The following DAB1 variants were observed in gnomAD, a reference collection of about 807,000 sequenced individuals.
DAB1 encodes the protein disabled homolog 1.
Under a neutral mutation model 64.6 loss-of-function variants are expected in DAB1, and 15 were observed. That is an observed-to-expected ratio of 0.23 (90% CI 0.16 to 0.36). The LOEUF (loss-of-function observed/expected upper bound fraction) is 0.36, where lower values mean the gene tolerates loss of function less well. Among genes scored for constraint, DAB1 ranks in the 10% least tolerant of loss-of-function variants. The pLI, the probability that DAB1 is intolerant of heterozygous loss-of-function variation, is 1.00. For synonymous variants in DAB1, 235 were observed against 251.9 expected (o/e 0.93, Z 0.64); for missense variants, 596 against 706.7 (o/e 0.84, Z 1.78).
chr1:57,628,873 T>C (rs907104355), intron 7 of DAB1, among the ~76,000 whole-genome samples: 2 of 152,240 alleles, frequency 1.3e-5, no homozygotes, highest in African/African-American at 4.8e-5. Flanking sequence ...TGCTTTGTAT[T>C]TGGAGATTTT....
intron 6 of DAB1, among the ~76,000 whole-genome samples, chr1:57,713,610 C>T (rs1322784569): frequency 2.0e-5 from 3 of 152,136 alleles, no homozygotes; most frequent in Non-Finnish European, 2.9e-5. Flanking sequence ...TATTCAGATC[C>T]ATCTGGTGGC....
intron 5 of DAB1, among the ~76,000 whole-genome samples, chr1:57,920,076 G>T (rs1644786371): frequency 6.6e-6 from 1 of 152,142 alleles, no homozygotes; most frequent in African/African-American, 2.4e-5. Flanking sequence ...TTAGAGGCAG[G>T]CAGTATTATT....
At chr1:57,264,532 C>A (rs994041282) in intron 2 of DAB1, among the ~76,000 whole-genome samples, 2 of 152,184 alleles carry the variant, frequency 1.3e-5, no homozygotes, top group Admixed American at 1.3e-4. Flanking sequence ...TTCATTTGAT[C>A]TCACGGCAAT....
chr1:58,177,862 A>C (rs542725243), intron 4 of DAB1, among the ~76,000 whole-genome samples: 1 of 152,318 alleles, frequency 6.6e-6, no homozygotes, highest in East Asian at 1.9e-4. Flanking sequence ...AACAGAGAAA[A>C]ACCACATCAG....
chr1:57,006,265 A>G (rs565894716), intron 14 of DAB1, among the ~76,000 whole-genome samples: 12 of 152,300 alleles, frequency 7.9e-5, no homozygotes, highest in African/African-American at 2.9e-4. Context: ...CAGAGGTTGT[A>G]TCCAGCAGCC....
chr1:58,161,716 CTG>C, intron 4 of DAB1, among the ~76,000 whole-genome samples: 1 of 152,010 alleles, frequency 6.6e-6, no homozygotes. Flanking sequence ...GAAAAGAAAA[CTG>C]AGGTTCACTA....
At chr1:58,517,521 T>G (rs1646176027) in intron 2 of DAB1, among the ~76,000 whole-genome samples, 1 of 152,202 alleles carries the variant, frequency 6.6e-6, no homozygotes, top group Admixed American at 6.5e-5. Context: ...CCTATGTAAT[T>G]TGATGTAACT....
Position 57,684,663 on chromosome 1 carries a change from A to C in DAB1, n.552-34998T>G, listed in dbSNP as rs143636185. On this transcript the variant is annotated intron_variant and non_coding_transcript_variant, in intron 6 of 20. Coordinates refer to the DAB1 transcript ENST00000485760. Reference sequence around the variant, plus strand: ...AAAGAATGACACCTTCTACCACAAAAACGCACTTAAACACATAGCCCACAG... The same window carrying C: ...AAAGAATGACACCTTCTACCACAAACACGCACTTAAACACATAGCCCACAG... Among the ~76,000 whole-genome samples the C allele has an allele frequency of 5.3e-4, 80 of 152,320 alleles. No homozygotes were observed. In the East Asian group the frequency reaches 0.014, roughly 26 times the overall value.
At chr1:57,218,506 C>G (rs1291115364) in intron 2 of DAB1, among the ~76,000 whole-genome samples, 1 of 123,918 alleles carries the variant, frequency 8.1e-6, no homozygotes, top group Non-Finnish European at 1.6e-5. Flanking sequence ...ATAGTGAGAC[C>G]CCCATCTCTA....
At position 57,934,820 on chromosome 1, in the gene DAB1, C is replaced by T. The variant is rs1645003307; in HGVS notation, n.388-50658G>A. On this transcript the variant is annotated intron_variant and non_coding_transcript_variant, in intron 5 of 20. Coordinates refer to the DAB1 transcript ENST00000485760. Reference sequence around the variant, plus strand: ...CCATGGATCTTTCTCTCTGCATTTGCCTCAAATTTTCAAGACTCTTTAAAG... The same window carrying T: ...CCATGGATCTTTCTCTCTGCATTTGTCTCAAATTTTCAAGACTCTTTAAAG... Among the ~76,000 whole-genome samples, 3 of 152,114 alleles carry T rather than the reference C, an allele frequency of 2.0e-5. No individual in the cohort carries two copies. The South Asian group carries it at 6.2e-4, about 32-fold the overall frequency.
intron 6 of DAB1, among the ~76,000 whole-genome samples, chr1:57,800,862 G>A (rs879339671): frequency 5.9e-5 from 9 of 152,144 alleles, no homozygotes; most frequent in Non-Finnish European, 8.8e-5. Context: ...GACTGTCTTA[G>A]CTCTGAGCTG....
intron 1 of DAB1, among the ~76,000 whole-genome samples, chr1:58,541,890 G>A (rs1039537995): frequency 2.0e-5 from 3 of 152,086 alleles, no homozygotes; most frequent in South Asian, 2.1e-4. Flanking sequence ...GTATCTCAGT[G>A]ATAGTTACAT....
chr1:58,227,872 T>C (rs537231789), intron 4 of DAB1, among the ~76,000 whole-genome samples: 21 of 152,344 alleles, frequency 1.4e-4, no homozygotes, highest in Admixed American at 9.8e-4. Flanking sequence ...CTGAGATTTA[T>C]TTCTGTTGGA....
intron 1 of DAB1, among the ~76,000 whole-genome samples, chr1:57,389,498 T>C (rs565404510): frequency 3.3e-5 from 5 of 152,162 alleles, no homozygotes; most frequent in African/African-American, 4.8e-5. Flanking sequence ...ACCATGGTAG[T>C]TCCTGTGGCC....
intron 2 of DAB1, among the ~76,000 whole-genome samples, chr1:57,262,337 C>G (rs1016105068): frequency 1.3e-5 from 2 of 152,204 alleles, no homozygotes; most frequent in African/African-American, 4.8e-5. Flanking sequence ...TTAGGCAAAA[C>G]AGTCAAAGAA....
At chr1:58,127,932 G>A (rs926367014) in intron 5 of DAB1, among the ~76,000 whole-genome samples, 1 of 152,158 alleles carries the variant, frequency 6.6e-6, no homozygotes, top group East Asian at 1.9e-4. Context: ...GGATTGACTT[G>A]GCTATGCGGG....
In DAB1 at chr1:57,072,300, T is replaced by C; in HGVS notation, c.421A>G (p.Ile141Val). Residue 141 changes from isoleucine to valine, a missense_variant, in exon 5 of 15, where the codon ATA becomes GTA. Physicochemically the swap from Ile to Val is conservative, Grantham distance 29. Around this residue, in one of 3 missense-constraint regions of DAB1, gnomAD observed 176 missense variants for 266.7 expected, o/e 0.66. Transcript: ENST00000371236. ...GKEGNHRFVA[I>V]KTAQAAEPVI... ...ATACTCACCGCCTGGGCTGTTTTTA[T>C]GGCCACAAATCTGTGATTCCCTTCC... 1.2e-6 allele frequency: 2 copies of C among 1,613,800 alleles called. No homozygotes were observed. The highest frequency in any genetic ancestry group is 1.7e-6 in the Non-Finnish European group (2 of 1,179,760).
intron 7 of DAB1, among the ~76,000 whole-genome samples, chr1:57,560,032 C>A (rs890213286): frequency 1.3e-5 from 2 of 152,250 alleles, no homozygotes; most frequent in African/African-American, 2.4e-5. Context: ...ATTGCAACTG[C>A]TGTACCAGAT....
intron 4 of DAB1, among the ~76,000 whole-genome samples, chr1:57,111,227 C>T (rs1655628287): frequency 1.3e-5 from 2 of 152,044 alleles, no homozygotes; most frequent in Non-Finnish European, 1.5e-5. Flanking sequence ...CCCTCTCCAG[C>T]CCTCACAGGC....
Sources: gnomAD v4.1 joint callset for allele counts (sites outside exome capture counted in the v4.1 genomes callset) on GRCh38, gnomAD v4.1.1 for gene constraint, gnomAD v4.1.1 regional missense constraint, MANE v1.5 for transcripts, NCBI Gene and HGNC (gene_info 2026-07-23, HGNC 2026-07-21) for gene names.